The following ENPP6 variants were observed in gnomAD, a reference collection of about 807,000 sequenced individuals.
ENPP6 encodes glycerophosphocholine cholinephosphodiesterase ENPP6.
A neutral mutation model predicts 42.0 loss-of-function variants in ENPP6; 32 were observed. That is an observed-to-expected ratio of 0.76 (90% CI 0.58 to 1.02). The LOEUF (loss-of-function observed/expected upper bound fraction) is 1.02. Ranked by LOEUF, ENPP6 falls within the 50% of genes least tolerant of loss-of-function variation. The probability of loss-of-function intolerance (pLI) is 0.00; values close to 1 mark genes in which losing one functional copy is unlikely to be tolerated. For missense variants in ENPP6, 552 were observed against 566.8 expected, an observed-to-expected ratio of 0.97 and a Z score of 0.27; for synonymous variants, 213 against 216.0, an observed-to-expected ratio of 0.99 and a Z score of 0.12.
chr4:184,135,124 A>G (rs1468765576), intron 2 of ENPP6, among the ~76,000 whole-genome samples: 1 of 152,098 alleles, frequency 6.6e-6, no homozygotes, highest in African/African-American at 2.4e-5. Context: ...ACATATGACC[A>G]TTTTTGATAA....
rs189917033 is a variant in ENPP6 at position 184,153,765 on chromosome 4, C to T, written c.242-32G>A. ...CAATGAGAACACAGCTGTCAGTTTA[C>T]GGTTCTGGTGGTTTCTATTTTTATC... On this transcript the variant is annotated intron_variant, in intron 1 of 7. Coordinates refer to ENST00000296741, the MANE Select transcript of ENPP6 (RefSeq NM_153343.4). 68 of 1,598,762 alleles carry T rather than the reference C, an allele frequency of 4.3e-5. No individual in the cohort carries two copies. In the African/African-American group the frequency reaches 5.3e-4, roughly 12 times the overall value.
At chr4:184,122,422 C>CCACCACCACCAA (rs1736433012) in intron 3 of ENPP6, among the ~76,000 whole-genome samples, 4 of 149,872 alleles carry the variant, frequency 2.7e-5, no homozygotes, top group African/African-American at 9.8e-5. Flanking sequence ...ACCACCACCA[C>CCACCACCACCAA]CACCACCACC....
intron 2 of ENPP6, among the ~76,000 whole-genome samples, chr4:184,137,063 C>T (rs185157765): frequency 6.6e-6 from 1 of 152,252 alleles, no homozygotes; most frequent in Admixed American, 6.5e-5. Context: ...TTTACTACTG[C>T]AGGTCTCCAT....
At chr4:184,131,200 TCTTCTTTCTTTCTTTCTTTTTC>T (rs1736615369) in intron 2 of ENPP6, among the ~76,000 whole-genome samples, 1 of 53,404 alleles carries the variant, frequency 1.9e-5, no homozygotes, top group Admixed American at 1.8e-4. Context: ...TTTCTTTCTT[TCTTCTTTCTTTCTTTCTTTTTC>T]TTTCTTTCTT....
chr4:184,127,792 A>C (rs770638763), intron 2 of ENPP6, among the ~76,000 whole-genome samples: 4 of 152,246 alleles, frequency 2.6e-5, no homozygotes, highest in Admixed American at 1.3e-4. Flanking sequence ...AGCCTAAGTG[A>C]TAACTATTAA....
chr4:184,153,495 G>A (rs1398285112), intron 2 of ENPP6, 59 bp downstream of exon 2: 43 of 1,505,416 alleles, frequency 2.9e-5, no homozygotes, highest in South Asian at 1.1e-4. Context: ...ACTTGACACC[G>A]ACTGTCCTCA....
At chr4:184,146,604 G>C (rs967874623) in intron 2 of ENPP6, among the ~76,000 whole-genome samples, 1 of 152,222 alleles carries the variant, frequency 6.6e-6, no homozygotes, top group African/African-American at 2.4e-5. Flanking sequence ...AAATGCAGAT[G>C]CTCTTTTTGC....
At chr4:184,206,005 C>G (rs1732989841) in intron 1 of ENPP6, among the ~76,000 whole-genome samples, 1 of 152,072 alleles carries the variant, frequency 6.6e-6, no homozygotes. Flanking sequence ...GGACACTGTT[C>G]CAAACAGAAG....
intron 6 of ENPP6, among the ~76,000 whole-genome samples, chr4:184,111,358 G>A (rs1049976174): frequency 3.3e-5 from 5 of 152,236 alleles, no homozygotes; most frequent in Non-Finnish European, 7.3e-5. Context: ...CCTTTGGTGT[G>A]ATCTGGAAGG....
chr4:184,132,874 T>C (rs1265998381), intron 2 of ENPP6, among the ~76,000 whole-genome samples: 1 of 150,012 alleles, frequency 6.7e-6, no homozygotes, highest in Non-Finnish European at 1.5e-5. Context: ...CCAATTGATC[T>C]ATCATAATTT....
At chr4:184,102,892 T>A (rs1324070457) in intron 6 of ENPP6, among the ~76,000 whole-genome samples, 1 of 152,262 alleles carries the variant, frequency 6.6e-6, no homozygotes, top group East Asian at 1.9e-4. Context: ...CTCTTCTTAA[T>A]GTCCCCCAGG....
chr4:184,196,060 A>T (rs1262656064), intron 1 of ENPP6, among the ~76,000 whole-genome samples: 4 of 152,232 alleles, frequency 2.6e-5, no homozygotes. Flanking sequence ...TGCCCTGCTC[A>T]GAGATGTCAC....
chr4:184,194,099 G>A (rs1358894700), intron 1 of ENPP6, among the ~76,000 whole-genome samples: 2 of 152,124 alleles, frequency 1.3e-5, no homozygotes, highest in African/African-American at 4.8e-5. Context: ...TGGTCCCCGA[G>A]GTTCCTCTTT....
intron 1 of ENPP6, among the ~76,000 whole-genome samples, chr4:184,192,592 T>C (rs1732725784): frequency 6.6e-6 from 1 of 152,124 alleles, no homozygotes; most frequent in Non-Finnish European, 1.5e-5. Flanking sequence ...GAAAAGTTGA[T>C]AAATAGGACT....
intron 3 of ENPP6, among the ~76,000 whole-genome samples, chr4:184,121,645 G>T (rs1032245652): frequency 6.6e-6 from 1 of 152,200 alleles, no homozygotes; most frequent in South Asian, 2.1e-4. Context: ...AAGGGTCTCT[G>T]ATGGACAGAC....
intron 1 of ENPP6, among the ~76,000 whole-genome samples, chr4:184,177,088 C>T (rs867227388): frequency 2.6e-5 from 4 of 152,148 alleles, no homozygotes; most frequent in Non-Finnish European, 2.9e-5. Flanking sequence ...AGTGGCCACT[C>T]GGCTGGAGAC....
chr4:184,097,230 C>CA lies in ENPP6; in HGVS notation c.1117+14dup. On this transcript the variant is annotated intron_variant, in intron 7 of 7. Transcript: ENST00000296741. ...GGAATGGGGTCTGAGAGCATCTGGT[C>CA]ATTTCCTCGCCTACCAGGTCCGAAG... 6.2e-7 allele frequency: 1 copy of CA among 1,614,042 alleles called. No individual in the cohort carries two copies. Among genetic ancestry groups the CA allele is most frequent in the East Asian group, 2.2e-5 (1 of 44,874 alleles).
Position 184,184,529 on chromosome 4 carries a change from G to A in ENPP6, c.242-30796C>T, listed in dbSNP as rs774471658. On this transcript the variant is annotated intron_variant, in intron 1 of 7. Transcript: ENST00000296741. The surrounding 1 kb of genome is among the most constrained non-coding windows in gnomAD (Gnocchi z 4.7). Reference sequence around the variant, plus strand: ...ATTAAAATATGAGGGAAAGCAAATCGTGGCTCCACAACCTGTGTCTACCCA... The same window carrying A: ...ATTAAAATATGAGGGAAAGCAAATCATGGCTCCACAACCTGTGTCTACCCA... Among the ~76,000 whole-genome samples the A allele has an allele frequency of 1.3e-5, 2 of 152,170 alleles. No individual in the cohort carries two copies. The highest frequency in any genetic ancestry group is 2.1e-4 in the South Asian group (1 of 4,814).
At chr4:184,125,062 A>G (rs866913215) in intron 2 of ENPP6, among the ~76,000 whole-genome samples, 34 of 152,258 alleles carry the variant, frequency 2.2e-4, no homozygotes, top group African/African-American at 8.0e-4. Context: ...TACTGGAAAC[A>G]GGAGTGGATC....
Sources: gnomAD v4.1 joint callset for allele counts (sites outside exome capture counted in the v4.1 genomes callset) on GRCh38, gnomAD v4.1.1 for gene constraint, Gnocchi (gnomAD v3.1) non-coding constraint, MANE v1.5 for transcripts, NCBI Gene and HGNC (gene_info 2026-07-23, HGNC 2026-07-21) for gene names.